The following DNER variants were observed in gnomAD, a reference collection of about 807,000 sequenced individuals.
The protein encoded by DNER is delta/notch like EGF repeat containing, also known as delta and Notch-like epidermal growth factor-related receptor.
DNER carries 33 observed loss-of-function variants against 78.2 expected under a neutral mutation model. That is an observed-to-expected ratio of 0.42 (90% CI 0.32 to 0.56). DNER has a LOEUF of 0.56. Among genes scored for constraint, DNER ranks in the 20% least tolerant of loss-of-function variants. The probability of loss-of-function intolerance (pLI) is 0.11; values close to 1 mark genes in which losing one functional copy is unlikely to be tolerated. For synonymous variants in DNER, 417 were observed against 384.8 expected (o/e 1.08, Z -0.98); for missense variants, 918 against 975.3 (o/e 0.94, Z 0.78).
chr2:229,700,320 A>G (rs796221407), intron 1 of DNER, among the ~76,000 whole-genome samples: 1,179 of 58,858 alleles, frequency 0.02, 19 homozygotes, highest in African/African-American at 0.059. Context: ...GTGTGTGTGT[A>G]TAGGGGTCAG....
At chr2:229,528,315 T>C (rs13388480) in intron 5 of DNER, among the ~76,000 whole-genome samples, 3,930 of 152,326 alleles carry the variant, frequency 0.026, 175 homozygotes, top group African/African-American at 0.089. Flanking sequence ...TGGCTTCTTT[T>C]GTGGTTTGCG....
At chr2:229,491,746 T>A (rs963600830) in intron 6 of DNER, among the ~76,000 whole-genome samples, 2 of 152,160 alleles carry the variant, frequency 1.3e-5, no homozygotes, top group Non-Finnish European at 2.9e-5. Flanking sequence ...CTTCCTTCAC[T>A]CCACATCTAC....
At chr2:229,672,468 A>G in intron 1 of DNER, among the ~76,000 whole-genome samples, 1 of 149,792 alleles carries the variant, frequency 6.7e-6, no homozygotes, top group African/African-American at 2.5e-5. Context: ...AAAGAAAGGG[A>G]GGGATGGAGA....
intron 7 of DNER, among the ~76,000 whole-genome samples, chr2:229,473,974 C>T (rs192304579): frequency 1.3e-4 from 20 of 152,192 alleles, no homozygotes; most frequent in East Asian, 5.8e-4. Context: ...GGCACAATCT[C>T]GGTTCACTGC....
intron 1 of DNER, among the ~76,000 whole-genome samples, chr2:229,632,459 C>G (rs1698447029): frequency 6.6e-6 from 1 of 152,282 alleles, no homozygotes; most frequent in East Asian, 1.9e-4. Context: ...TTTACTAAGG[C>G]TTGTCTCCTT....
At chr2:229,651,277 C>T (rs370649824) in intron 1 of DNER, among the ~76,000 whole-genome samples, 2 of 152,318 alleles carry the variant, frequency 1.3e-5, no homozygotes, top group South Asian at 2.1e-4. Context: ...TAATGAGAGT[C>T]CATTTCTGTT....
chr2:229,645,164 AT>A, intron 1 of DNER, among the ~76,000 whole-genome samples: 1 of 151,984 alleles, frequency 6.6e-6, no homozygotes, highest in East Asian at 1.9e-4. Context: ...ACCCGGTTAA[AT>A]TTTTTTTATT....
intron 1 of DNER, among the ~76,000 whole-genome samples, chr2:229,635,606 G>T (rs1698517860): frequency 6.6e-6 from 1 of 152,072 alleles, no homozygotes. Flanking sequence ...TAATTGGAAT[G>T]GTTTTGTATT....
chr2:229,411,556 C>CA (rs112685526), intron 9 of DNER, among the ~76,000 whole-genome samples: 3,314 of 144,688 alleles, frequency 0.023, 59 homozygotes, highest in Middle Eastern at 0.05. Context: ...GACTCTGTTT[C>CA]AAAAAAAAAA....
intron 5 of DNER, among the ~76,000 whole-genome samples, chr2:229,539,655 C>T (rs898249246): frequency 2.0e-5 from 3 of 152,286 alleles, no homozygotes; most frequent in African/African-American, 7.2e-5. Context: ...TTGTTTTTCT[C>T]GTCCCGTTGA....
chr2:229,430,687 A>AATATATATATATAT (rs58809747), intron 8 of DNER, among the ~76,000 whole-genome samples: 68 of 144,642 alleles, frequency 4.7e-4, no homozygotes, highest in South Asian at 9.0e-4. Context: ...ATACTTAGTA[A>AATATATATATATAT]ATATATATAT....
intron 1 of DNER, among the ~76,000 whole-genome samples, chr2:229,595,533 C>A (rs141157986): frequency 6.6e-6 from 1 of 152,152 alleles, no homozygotes; most frequent in African/African-American, 2.4e-5. Context: ...CCACCTGCCT[C>A]GGCCTCCCAA....
chr2:229,549,401 G>T (rs980004773), intron 4 of DNER, among the ~76,000 whole-genome samples: 1 of 152,142 alleles, frequency 6.6e-6, no homozygotes, highest in Non-Finnish European at 1.5e-5. Flanking sequence ...CGACTCCAGG[G>T]TTCACATGAT....
At position 229,446,584 on chromosome 2, in the gene DNER, G is replaced by A. The variant is rs148479109; in HGVS notation, c.1486+732C>T. Reference sequence around the variant, plus strand: ...GGGAAGCTTTCTAAAGAGCCAGCTCGTGTAAGGATGGAGACATACACAGAA... The same window carrying A: ...GGGAAGCTTTCTAAAGAGCCAGCTCATGTAAGGATGGAGACATACACAGAA... On this transcript the variant is annotated intron_variant, in intron 8 of 12. Coordinates refer to ENST00000341772, the MANE Select transcript of DNER (RefSeq NM_139072.4). 1.2e-4 allele frequency among the ~76,000 whole-genome samples: 18 copies of A among 152,308 alleles called. No individual in the cohort carries two copies. The East Asian group carries it at 1.9e-3, about 16-fold the overall frequency.
chr2:229,584,590 C>T (rs1028442110), intron 4 of DNER, among the ~76,000 whole-genome samples: 2 of 152,074 alleles, frequency 1.3e-5, no homozygotes, highest in South Asian at 2.1e-4. Flanking sequence ...GGCAGTGGGT[C>T]GGGGAGGGAA....
chr2:229,631,744 C>T (rs1417861762), intron 1 of DNER, among the ~76,000 whole-genome samples: 1 of 152,152 alleles, frequency 6.6e-6, no homozygotes, highest in African/African-American at 2.4e-5. Flanking sequence ...CAGCCAGTCA[C>T]CAGTGCTTCC....
chr2:229,498,295 T>C (rs1223054835), intron 6 of DNER, among the ~76,000 whole-genome samples: 1 of 152,182 alleles, frequency 6.6e-6, no homozygotes, highest in Non-Finnish European at 1.5e-5. Context: ...ATAAAGGCCA[T>C]ATATGACAAG....
chr2:229,614,991 C>G (rs1057380578), intron 1 of DNER, among the ~76,000 whole-genome samples: 10 of 152,256 alleles, frequency 6.6e-5, no homozygotes, highest in South Asian at 4.1e-4. Flanking sequence ...CATTTATCAC[C>G]AAAGTTTCAT....
At chr2:229,673,586 T>G (rs550167187) in intron 1 of DNER, among the ~76,000 whole-genome samples, 106 of 152,336 alleles carry the variant, frequency 7.0e-4, no homozygotes, top group Non-Finnish European at 1.3e-3. Flanking sequence ...TTGAACAGTG[T>G]AACAGTGTAA....
Sources: gnomAD v4.1 joint callset for allele counts (sites outside exome capture counted in the v4.1 genomes callset) on GRCh38, gnomAD v4.1.1 for gene constraint, MANE v1.5 for transcripts, NCBI Gene and HGNC (gene_info 2026-07-23, HGNC 2026-07-21) for gene names.